The following UNC80 variants were observed in gnomAD, a reference collection of about 807,000 sequenced individuals.
UNC80 encodes protein unc-80 homolog.
A neutral mutation model predicts 384.6 loss-of-function variants in UNC80; 164 were observed. The ratio of observed to expected loss-of-function variants is 0.43; its 90% confidence interval spans 0.38 to 0.49. The LOEUF (loss-of-function observed/expected upper bound fraction) is 0.49. UNC80 is among the 20% of genes least tolerant of loss of function. UNC80 has a pLI of 0.00. For synonymous variants in UNC80, 1,486 were observed against 1,527.8 expected (o/e 0.97, Z 0.64); for missense variants, 3,330 against 4,143.0 (o/e 0.80, Z 5.39).
chr2:209,936,778 C>A, intron 40 of UNC80, 66 bp from the exon 41 acceptor site: 1 of 1,138,058 alleles, frequency 8.8e-7, no homozygotes, highest in Non-Finnish European at 1.3e-6. Flanking sequence ...GTATCTGTCA[C>A]CTTACTACCT....
chr2:209,850,283 T>C (rs1341260963), intron 22 of UNC80, among the ~76,000 whole-genome samples: 2 of 152,136 alleles, frequency 1.3e-5, no homozygotes, highest in African/African-American at 2.4e-5. Context: ...TCAATTTATT[T>C]ATCTTTATTT....
intron 16 of UNC80, 119 bp from the exon 17 acceptor site, chr2:209,833,883 C>G: frequency 1.0e-6 from 1 of 975,124 alleles, no homozygotes; most frequent in Non-Finnish European, 1.5e-6. Context: ...ACTGTCCTGT[C>G]TTAATGATTC....
chr2:209,966,510 C>T (rs530635033), intron 51 of UNC80, among the ~76,000 whole-genome samples: 1 of 152,358 alleles, frequency 6.6e-6, no homozygotes, highest in Non-Finnish European at 1.5e-5. Context: ...AGGCTATGTA[C>T]ATCATTGTAT....
intron 4 of UNC80, among the ~76,000 whole-genome samples, chr2:209,782,307 G>A (rs1459466726): frequency 1.3e-5 from 2 of 152,156 alleles, no homozygotes; most frequent in African/African-American, 4.8e-5. Flanking sequence ...AACTCCAGAT[G>A]TTTGAAGTCT....
intron 7 of UNC80, among the ~76,000 whole-genome samples, chr2:209,811,623 T>C (rs550971802): frequency 1.6e-4 from 24 of 152,334 alleles, no homozygotes; most frequent in African/African-American, 5.8e-4. Context: ...TGGCATAGCA[T>C]ATACGGGAAT....
At chr2:209,995,196 C>A in intron 64 of UNC80, 133 bp from the exon 65 acceptor site, 5 of 1,203,146 alleles carry the variant, frequency 4.2e-6, no homozygotes, top group Non-Finnish European at 5.8e-6. Context: ...AAGGTCCTAC[C>A]TATAACAAAG....
intron 32 of UNC80, 67 bp from the exon 33 acceptor site, chr2:209,918,465 C>T: frequency 6.8e-7 from 1 of 1,481,466 alleles, no homozygotes; most frequent in Non-Finnish European, 9.1e-7. Context: ...ATTGTGTCAT[C>T]ATTATACTTC....
intron 29 of UNC80, among the ~76,000 whole-genome samples, chr2:209,906,593 C>T (rs2088245094): frequency 6.6e-6 from 1 of 152,022 alleles, no homozygotes; most frequent in African/African-American, 2.4e-5. Flanking sequence ...TATGGAACAT[C>T]AGAGTCAGGG....
intron 7 of UNC80, among the ~76,000 whole-genome samples, chr2:209,799,060 A>G (rs1381340118): frequency 7.6e-6 from 1 of 131,354 alleles, no homozygotes; most frequent in African/African-American, 2.8e-5. Context: ...TTTTAAATTC[A>G]TTATTTTAAA....
chr2:209,936,835 T>C lies in UNC80; in HGVS notation c.6274-9T>C. On this transcript the variant is annotated splice_polypyrimidine_tract_variant and intron_variant, in intron 40 of 64. Transcript: ENST00000673920. Reference sequence around the variant, plus strand: ...AAACATTTATTAAAATTTGTTGCTATTGTTCTAGGAGTGTCTGGAGTTTTT... The same window carrying C: ...AAACATTTATTAAAATTTGTTGCTACTGTTCTAGGAGTGTCTGGAGTTTTT... 6.5e-7 allele frequency: 1 copy of C among 1,528,278 alleles called. No individual in the cohort carries two copies. The highest frequency in any genetic ancestry group is 8.9e-7 in the Non-Finnish European group (1 of 1,125,842). The allele number at this position is 1,528,278 out of a possible 1,614,324, so 94.7% of individuals were successfully genotyped here. A position where few individuals can be genotyped will look rare whatever the true frequency, so the allele number is the denominator to read the frequency against.
intron 34 of UNC80, among the ~76,000 whole-genome samples, chr2:209,922,004 A>C (rs1200454801): frequency 6.6e-6 from 1 of 152,220 alleles, no homozygotes; most frequent in Non-Finnish European, 1.5e-5. Context: ...GTTGGTATCA[A>C]AAATGATTAA....
intron 47 of UNC80, among the ~76,000 whole-genome samples, chr2:209,949,356 T>A (rs2092051353): frequency 6.6e-6 from 1 of 152,184 alleles, no homozygotes; most frequent in Admixed American, 6.6e-5. Flanking sequence ...TTTTAGCAGG[T>A]GTATTTGTAA....
At chr2:209,891,391 A>T (rs2086310447) in intron 26 of UNC80, among the ~76,000 whole-genome samples, 2 of 152,124 alleles carry the variant, frequency 1.3e-5, no homozygotes, top group African/African-American at 4.8e-5. Context: ...ATATGATGAG[A>T]AGCTTCCCTC....
chr2:209,845,292 T>C (rs1288131681), intron 21 of UNC80: 1 of 152,184 alleles, frequency 6.6e-6, no homozygotes, highest in East Asian at 1.9e-4. Flanking sequence ...TCATTGTAGC[T>C]GACCTGATTA....
rs1575092310 is a variant in UNC80, at chr2:209,941,478, A to G, written c.6904A>G (p.Thr2302Ala). The change falls in exon 44 of 65, where the codon ACC becomes GCC. Residue 2302 changes from threonine to alanine, a missense_variant. By Grantham distance (58) the Thr-to-Ala change is moderately conservative (BLOSUM62 0). This residue lies in a region of UNC80 where 1,049 missense variants were observed against 1,488.6 expected (regional missense o/e 0.70). Transcript: ENST00000673920. ...CAGCGGCTACCAGTGGATTCTCCCC[A>G]CCATGCTGCAGGTGCCCAGAACCTC... ...SLSGYQWILP[T>A]MLQVYSDYES... 1.3e-6 allele frequency: 2 copies of G among 1,533,904 alleles called. No homozygotes were observed. Among genetic ancestry groups the G allele is most frequent in the Admixed American group, 2.0e-5 (1 of 50,620 alleles).
At chr2:209,913,167 G>A in intron 30 of UNC80, among the ~76,000 whole-genome samples, 1 of 152,130 alleles carries the variant, frequency 6.6e-6, no homozygotes, top group East Asian at 1.9e-4. Context: ...TTGACACATT[G>A]TTATATTGTT....
At chr2:209,861,937 A>C (rs2083373692) in intron 22 of UNC80, among the ~76,000 whole-genome samples, 1 of 152,018 alleles carries the variant, frequency 6.6e-6, no homozygotes, top group South Asian at 2.1e-4. Context: ...CTTCTTTATT[A>C]ATCTAGCTAG....
chr2:209,889,557 T>C (rs1383502045), intron 26 of UNC80, among the ~76,000 whole-genome samples: 1 of 152,184 alleles, frequency 6.6e-6, no homozygotes, highest in Non-Finnish European at 1.5e-5. Context: ...GTTTGTTACA[T>C]AGGTATAGAC....
intron 22 of UNC80, among the ~76,000 whole-genome samples, chr2:209,863,697 G>A (rs1321996575): frequency 6.6e-6 from 1 of 151,894 alleles, no homozygotes; most frequent in African/African-American, 2.4e-5. Context: ...AGTCATTTAT[G>A]TTCCTCTCTA....
Sources: gnomAD v4.1 joint callset for allele counts (sites outside exome capture counted in the v4.1 genomes callset) on GRCh38, gnomAD v4.1.1 for gene constraint, gnomAD v4.1.1 regional missense constraint, MANE v1.5 for transcripts, NCBI Gene and HGNC (gene_info 2026-07-23, HGNC 2026-07-21) for gene names.